The following KCNN4 variants were observed in gnomAD, a reference collection of about 807,000 sequenced individuals.
KCNN4 encodes potassium calcium-activated channel subfamily N member 4, also known as intermediate conductance calcium-activated potassium channel protein 4.
KCNN4 carries 31 observed loss-of-function variants against 45.2 expected under a neutral mutation model. The ratio of observed to expected loss-of-function variants is 0.69; its 90% CI spans 0.52 to 0.92. The LOEUF is 0.92. Ranked by LOEUF, KCNN4 falls within the 40% of genes least tolerant of loss-of-function variation. The probability of loss-of-function intolerance (pLI) is 0.00; values close to 1 mark genes in which losing one functional copy is unlikely to be tolerated. For missense variants in KCNN4, 463 were observed against 574.0 expected (o/e 0.81, Z 1.98); for synonymous variants, 231 against 254.6 (o/e 0.91, Z 0.88).
Position 43,766,665 on chromosome 19 carries a change from C to G in KCNN4, c.*428G>C, listed in dbSNP as rs199962690. 1.3e-5 allele frequency: 2 copies of G among 152,576 alleles called. No individual in the cohort carries two copies. The highest frequency in any genetic ancestry group is 2.9e-5 in the Non-Finnish European group (2 of 68,090). 9.5% of individuals were successfully genotyped at this position (152,576 alleles called of 1,614,324 possible). ...GTTGTCCCACCAGGGGGCGCCACCT[C>G]CAGCCCCGCCCCAGCCTCATACCCA... is the stretch of plus-strand genomic sequence containing the variant. On this transcript the variant is annotated 3_prime_UTR_variant, in exon 9 of 9. Coordinates refer to ENST00000648319, the MANE Select transcript of KCNN4 (RefSeq NM_002250.3).
intron 1 of KCNN4, 60 bp from the exon 2 acceptor site, chr19:43,776,696 C>A: frequency 9.3e-7 from 1 of 1,073,500 alleles, no homozygotes; most frequent in Non-Finnish European, 1.4e-6. Context: ...CCTGGCCCTC[C>A]ACCTTTCCTT....
At chr19:43,770,841 A>C (rs1223167252) in intron 4 of KCNN4, among the ~76,000 whole-genome samples, 1 of 152,216 alleles carries the variant, frequency 6.6e-6, no homozygotes, top group Middle Eastern at 3.4e-3. Flanking sequence ...ACATCACCCT[A>C]TCTCTCTAGG....
In KCNN4 at chr19:43,774,747, GGC is replaced by G. The variant is rs1260046911; in HGVS notation, c.256-130_256-129del. 2 of 708,618 alleles carry G rather than the reference GGC, an allele frequency of 2.8e-6. No individual in the cohort carries two copies. The highest frequency in any genetic ancestry group is 3.5e-5 in the Admixed American group (1 of 28,480). 43.9% of individuals were successfully genotyped at this position (708,618 alleles called of 1,614,324 possible). A position where few individuals can be genotyped will look rare whatever the true frequency, so the allele number is the denominator to read the frequency against. ...CCTGGCCAGGAGGGAGGGAGTGCAGGGCGGGAGAGGGATAGGGAGGGAGCGGG... is the reference window on the plus strand; with the variant it reads ...CCTGGCCAGGAGGGAGGGAGTGCAGGGGGAGAGGGATAGGGAGGGAGCGGG... On this transcript the variant is annotated intron_variant, in intron 2 of 8. Transcript: ENST00000648319. The surrounding 1 kb of genome is among the most constrained non-coding windows in gnomAD (Gnocchi z 5.6).
chr19:43,770,031 T>C (rs760437060), intron 4 of KCNN4, among the ~76,000 whole-genome samples: 16 of 152,060 alleles, frequency 1.1e-4, no homozygotes, highest in African/African-American at 3.4e-4. Flanking sequence ...ATTTGATGCA[T>C]AGCATTCACA....
rs1969757220 is a variant in KCNN4, at chr19:43,774,941, T to C, written c.256-322A>G. Among the ~76,000 whole-genome samples the C allele has an allele frequency of 6.6e-6, 1 of 152,190 alleles. No individual in the cohort carries two copies. Among genetic ancestry groups the C allele is most frequent in the African/African-American group, 2.4e-5 (1 of 41,448 alleles). ...AGTGAACCCAACAGACCCCCCTGCC[T>C]CCCTAGAGCTTGCATTCCACATGCC... On this transcript the variant is annotated intron_variant, in intron 2 of 8. Coordinates refer to ENST00000648319, the MANE Select transcript of KCNN4 (RefSeq NM_002250.3). The surrounding 1 kb of genome is among the most constrained non-coding windows in gnomAD (Gnocchi z 5.6).
chr19:43,767,603 C>T lies in KCNN4; in HGVS notation c.1224G>A (p.Glu408=), dbSNP rs2146437400. Residue 408 remains glutamate, a synonymous_variant, in exon 8 of 9, where the codon GAG becomes GAA. Transcript: ENST00000648319. ...TLAGKLDALT[E]LLSTALGPRQ... ...TCGGCCCCAGGGCAGTGCTAAGCAG[C>T]TCAGTCAGGGCATCCAGCTTCCCCG... 1 of 1,614,150 alleles carries T rather than the reference C, an allele frequency of 6.2e-7. No individual in the cohort carries two copies. The highest frequency in any genetic ancestry group is 8.5e-7 in the Non-Finnish European group (1 of 1,180,038).
At position 43,780,703 on chromosome 19, in the gene KCNN4, C is replaced by T. The variant is rs779928751; in HGVS notation, c.159G>A (p.Ser53=). 3.7e-6 allele frequency: 6 copies of T among 1,612,692 alleles called. No homozygotes were observed. The highest frequency in any genetic ancestry group is 5.1e-6 in the Non-Finnish European group (6 of 1,179,474). The change falls in exon 1 of 9, where the codon TCG becomes TCA. Residue 53 remains serine, a splice_region_variant and synonymous_variant. Transcript: ENST00000648319. ...CTCCCAGCCACCATGCCCCACTCAC[C>T]GAGCACCCCCCGAACCACAGCATCT... ...HAEMLWFGGC[S]WALYLFLVKC...
Position 43,774,358 on chromosome 19 carries a change from C to A in KCNN4, c.517G>T (p.Val173Phe), listed in dbSNP as rs779812698. The change falls in exon 3 of 9, where the codon GTC becomes TTC. Residue 173 changes from valine to phenylalanine, a missense_variant. Physicochemically the swap from Val to Phe is conservative, Grantham distance 50. Transcript: ENST00000648319. This position sits in a 1 kb window ranked among gnomAD's most constrained non-coding sequence, Gnocchi z 5.6. Reference protein sequence around the residue: ...VPRAVLLRSGVLLNASYRSIG... With the variant: ...VPRAVLLRSGFLLNASYRSIG... ...CTGCGGTAGGAAGCGTTGAGCAGGA[C>A]GCCGCTGCGCAGGAGCACGGCGCGG... 1.2e-6 allele frequency: 2 copies of A among 1,608,380 alleles called. No individual in the cohort carries two copies. The highest frequency in any genetic ancestry group is 2.2e-5 in the East Asian group (1 of 44,552).
chr19:43,774,122 C>G lies in KCNN4; in HGVS notation c.683+70G>C, dbSNP rs898085629. ...GGTCCTAGGGGGCCTCAACCTGCAC[C>G]GCGGCACAGGACGGCCGCCGTGGCT... On this transcript the variant is annotated intron_variant, in intron 3 of 8. Transcript: ENST00000648319. This position sits in a 1 kb window ranked among gnomAD's most constrained non-coding sequence, Gnocchi z 5.6. 2.0e-6 allele frequency: 3 copies of G among 1,472,816 alleles called. No individual in the cohort carries two copies. The allele number at this position is 1,472,816 out of a possible 1,614,324, so 91.2% of individuals were successfully genotyped here.
chr19:43,769,094 G>T lies in KCNN4; in HGVS notation c.1050-62C>A. The T allele has an allele frequency of 1.3e-6, 2 of 1,542,124 alleles. No homozygotes were observed. Among genetic ancestry groups the T allele is most frequent in the Non-Finnish European group, 1.8e-6 (2 of 1,114,456 alleles). Reference sequence around the variant, plus strand: ...GGTCCCTGAATGTAGCTGTAGCTCAGGGGAGGAATGAAGGGAGGAGAGGCA... The same window carrying T: ...GGTCCCTGAATGTAGCTGTAGCTCATGGGAGGAATGAAGGGAGGAGAGGCA... On this transcript the variant is annotated intron_variant, in intron 6 of 8. Transcript: ENST00000648319. This position sits in a 1 kb window ranked among gnomAD's most constrained non-coding sequence, Gnocchi z 4.4.
chr19:43,779,565 C>T (rs1568396390), intron 1 of KCNN4, among the ~76,000 whole-genome samples: 1 of 152,142 alleles, frequency 6.6e-6, no homozygotes, highest in Non-Finnish European at 1.5e-5. Context: ...GTCTCCAGCC[C>T]CTCCTTTCCT....
chr19:43,772,626 G>A lies in KCNN4; in HGVS notation c.684-491C>T, dbSNP rs347522. Among the ~76,000 whole-genome samples, 10,174 of 152,128 alleles carry A rather than the reference G, an allele frequency of 0.067. 629 individuals are homozygous for A. Among genetic ancestry groups the A allele is most frequent in the African/African-American group, 0.17 (7,012 of 41,470 alleles). ...ACTCTAAAAAGGCTTGGTGGGACTC[G>A]GCCTTCCTTTCCTCTCACTTCACAG... On this transcript the variant is annotated intron_variant, in intron 3 of 8. Coordinates refer to ENST00000648319, the MANE Select transcript of KCNN4 (RefSeq NM_002250.3). This position sits in a 1 kb window ranked among gnomAD's most constrained non-coding sequence, Gnocchi z 4.4.
rs1055934196 is a variant in KCNN4, at chr19:43,766,728, G to C, written c.*365C>G. 5 of 152,570 alleles carry C rather than the reference G, an allele frequency of 3.3e-5. No individual in the cohort carries two copies. The highest frequency in any genetic ancestry group is 1.2e-4 in the African/African-American group (5 of 41,406). The allele number at this position is 152,570 out of a possible 1,614,324, so 9.5% of individuals were successfully genotyped here. ...GGCCAGCGGTAACTGAAGCCTCCCA[G>C]AATCCTGGATCCGGGCCCCTAGTAC... On this transcript the variant is annotated 3_prime_UTR_variant, in exon 9 of 9. Transcript: ENST00000648319.
At chr19:43,780,138 C>T (rs1367658547) in intron 1 of KCNN4, among the ~76,000 whole-genome samples, 1 of 152,126 alleles carries the variant, frequency 6.6e-6, no homozygotes, top group Non-Finnish European at 1.5e-5. Context: ...CCCTTATTGG[C>T]TCTTGGGGGG....
In KCNN4 at chr19:43,768,976, A is replaced by G. The variant is rs1396676532; in HGVS notation, c.1106T>C (p.Val369Ala). The change falls in exon 7 of 9, where the codon GTG becomes GCG. Residue 369 changes from valine (V) to alanine (A), a missense_variant. Transcript: ENST00000648319. ...GGATCCTAGTACCTTGGAGATGTCC[A>G]CCATGGAGTTCACTTGTTCCCGGAG... ...RKLREQVNSM[V>A]DISKMHMILY... 1 of 1,614,022 alleles carries G rather than the reference A, an allele frequency of 6.2e-7. No individual in the cohort carries two copies. Among genetic ancestry groups the G allele is most frequent in the Non-Finnish European group, 8.5e-7 (1 of 1,179,930 alleles).
At position 43,780,754 on chromosome 19, in the gene KCNN4, G is replaced by A; in HGVS notation, c.108C>T (p.Gly36=). 1 of 1,613,714 alleles carries A rather than the reference G, an allele frequency of 6.2e-7. No individual in the cohort carries two copies. The highest frequency in any genetic ancestry group is 8.5e-7 in the Non-Finnish European group (1 of 1,179,936). The stretch of plus-strand genomic sequence containing the variant: ...CTGCATGCAGCACCATGAGTCCAAT[G>A]CCAGTTCCTGCCAGCACCAGTGCCC... ...AGWALVLAGT[G]IGLMVLHAEM... Residue 36 remains glycine, a synonymous_variant, in exon 1 of 9, where the codon GGC becomes GGT. Transcript: ENST00000648319.
Position 43,774,366 on chromosome 19 carries a change from C to G in KCNN4, c.509G>C (p.Arg170Pro). 6.2e-7 allele frequency: 1 copy of G among 1,606,788 alleles called. No individual in the cohort carries two copies. The highest frequency in any genetic ancestry group is 8.5e-7 in the Non-Finnish European group (1 of 1,176,816). The change falls in exon 3 of 9, where the codon CGC becomes CCC. Residue 170 changes from arginine to proline, a missense_variant. Transcript: ENST00000648319. The surrounding 1 kb of genome is among the most constrained non-coding windows in gnomAD (Gnocchi z 5.6). ...LYLVPRAVLL[R>P]SGVLLNASYR... ...GGAAGCGTTGAGCAGGACGCCGCTG[C>G]GCAGGAGCACGGCGCGGGGCACCAG...
At chr19:43,773,665 G>A (rs1969704190) in intron 3 of KCNN4, among the ~76,000 whole-genome samples, 1 of 152,168 alleles carries the variant, frequency 6.6e-6, no homozygotes, top group African/African-American at 2.4e-5. Context: ...AAATTGAGGC[G>A]CGGCATCGGG....
In KCNN4 at chr19:43,774,130, AG is replaced by A; in HGVS notation, c.683+61del. The A allele has an allele frequency of 6.6e-7, 1 of 1,504,612 alleles. No individual in the cohort carries two copies. Among genetic ancestry groups the A allele is most frequent in the Non-Finnish European group, 9.0e-7 (1 of 1,113,282 alleles). 93.2% of individuals were successfully genotyped at this position (1,504,612 alleles called of 1,614,324 possible). ...GGGGCCTCAACCTGCACCGCGGCAC[AG>A]GACGGCCGCCGTGGCTGTCCGGGGT... On this transcript the variant is annotated intron_variant, in intron 3 of 8. Coordinates refer to ENST00000648319, the MANE Select transcript of KCNN4 (RefSeq NM_002250.3). The surrounding 1 kb of genome is among the most constrained non-coding windows in gnomAD (Gnocchi z 5.6).
Sources: gnomAD v4.1 joint callset for allele counts (sites outside exome capture counted in the v4.1 genomes callset) on GRCh38, gnomAD v4.1.1 for gene constraint, Gnocchi (gnomAD v3.1) non-coding constraint, MANE v1.5 for transcripts, NCBI Gene and HGNC (gene_info 2026-07-23, HGNC 2026-07-21) for gene names.